AMD1: variants seen among roughly 807,000 people sequenced by gnomAD.
AMD1 encodes the protein S-adenosylmethionine decarboxylase proenzyme.
In AMD1, 11 loss-of-function variants were observed where a neutral mutation model predicts 40.2. The observed-to-expected ratio is 0.27, with a 90% confidence interval of 0.17 to 0.45. The LOEUF is 0.45. Ranked by LOEUF, AMD1 falls within the 20% of genes least tolerant of loss-of-function variation. The pLI is 1.00. For missense variants in AMD1, 257 were observed against 410.2 expected, an observed-to-expected ratio of 0.63 and a Z score of 3.23; for synonymous variants, 121 against 130.8, an observed-to-expected ratio of 0.93 and a Z score of 0.51.
the AMD1 span, among the ~76,000 whole-genome samples, chr6:110,825,473 A>G: frequency 7.2e-5 from 11 of 152,100 alleles, no homozygotes; most frequent in African/African-American, 2.4e-4. Context: ...TCTTTTTTCC[A>G]TATTTGATTG....
At chr6:110,834,224 A>G in the AMD1 span, among the ~76,000 whole-genome samples, 1 of 152,134 alleles carries the variant, frequency 6.6e-6, no homozygotes, top group Non-Finnish European at 1.5e-5. Flanking sequence ...CTATAATCTC[A>G]GCACTTTGGG....
At chr6:110,835,476 C>A in the AMD1 span, among the ~76,000 whole-genome samples, 1 of 152,120 alleles carries the variant, frequency 6.6e-6, no homozygotes, top group African/African-American at 2.4e-5. Flanking sequence ...GAATCTTTTT[C>A]TTAATTTGTA....
At chr6:110,855,763 G>A in the AMD1 span, among the ~76,000 whole-genome samples, 1 of 152,100 alleles carries the variant, frequency 6.6e-6, no homozygotes, top group Non-Finnish European at 1.5e-5. Context: ...ACAAGTAAAA[G>A]AAAGGTATCC....
chr6:110,821,456 A>G, the AMD1 span, among the ~76,000 whole-genome samples: 17 of 152,080 alleles, frequency 1.1e-4, no homozygotes, highest in Admixed American at 8.5e-4. Context: ...TCTACTAAAA[A>G]CACAAAAATT....
At position 110,882,501 on chromosome 6, in the gene AMD1, G is replaced by A. The variant is rs142630540; in HGVS notation, c.111-5004G>A. Among the ~76,000 whole-genome samples, 378 of 152,302 alleles carry A rather than the reference G, an allele frequency of 2.5e-3. 1 individual carries two copies. The highest frequency in any genetic ancestry group is 3.4e-3 in the Non-Finnish European group (229 of 68,028). ...CAAAAGCAGGCCATTTTTTCCCACA[G>A]AAATGTGATAGAAATAATTTGTGCT... On this transcript the variant is annotated intron_variant, in intron 1 of 8. Transcript: ENST00000368885.
chr6:110,815,195 C>T, the AMD1 span: 5 of 1,482,322 alleles, frequency 3.4e-6, no homozygotes, highest in Admixed American at 2.2e-5. Context: ...AGTCCCTCCT[C>T]CTCCTCCCCC....
chr6:110,877,279 A>C (rs1785165046), intron 1 of AMD1, among the ~76,000 whole-genome samples: 1 of 152,274 alleles, frequency 6.6e-6, no homozygotes, highest in Middle Eastern at 3.2e-3. Context: ...AAGAACTGAA[A>C]AATATGTTGA....
the AMD1 span, among the ~76,000 whole-genome samples, chr6:110,869,378 C>T: frequency 2.0e-5 from 3 of 151,582 alleles, no homozygotes; most frequent in Non-Finnish European, 4.4e-5. Context: ...GTGATCCGCC[C>T]GCCTCGGCCT....
the AMD1 span, among the ~76,000 whole-genome samples, chr6:110,832,975 C>T: frequency 2.0e-5 from 3 of 152,180 alleles, no homozygotes; most frequent in Non-Finnish European, 4.4e-5. Flanking sequence ...CGCCCACCAC[C>T]ACGCCTGGCC....
the AMD1 span, among the ~76,000 whole-genome samples, chr6:110,845,711 C>T: frequency 2.6e-5 from 4 of 152,176 alleles, no homozygotes; most frequent in Admixed American, 2.0e-4. Context: ...GCTGCACTGT[C>T]GGCTTCCATA....
At chr6:110,883,769 T>A (rs919310258) in intron 1 of AMD1, among the ~76,000 whole-genome samples, 2 of 152,006 alleles carry the variant, frequency 1.3e-5, no homozygotes, top group South Asian at 4.1e-4. Flanking sequence ...TTTTTTTTTT[T>A]TTTATTTTTA....
the AMD1 span, among the ~76,000 whole-genome samples, chr6:110,827,139 A>C: frequency 6.6e-6 from 1 of 152,202 alleles, no homozygotes. Context: ...AGGTAAACAT[A>C]AATTTTACGG....
rs1786195350 is a variant in AMD1, at chr6:110,894,398, A to G, written c.*782A>G. Reference sequence around the variant, plus strand: ...CTGGGCTTAATATTCTTTAAAGGGCATGGGAATTTAGCCTCTCTTTTATTG... The same window carrying G: ...CTGGGCTTAATATTCTTTAAAGGGCGTGGGAATTTAGCCTCTCTTTTATTG... On this transcript the variant is annotated 3_prime_UTR_variant, in exon 9 of 9. Coordinates refer to ENST00000368885, the MANE Select transcript of AMD1 (RefSeq NM_001634.6). 2 of 152,590 alleles carry G rather than the reference A, an allele frequency of 1.3e-5. No individual in the cohort carries two copies. Among genetic ancestry groups the G allele is most frequent in the South Asian group, 2.1e-4 (1 of 4,834 alleles). The allele number at this position is 152,590 out of a possible 1,614,324, so 9.5% of individuals were successfully genotyped here.
At chr6:110,847,110 C>G in the AMD1 span, among the ~76,000 whole-genome samples, 1 of 150,804 alleles carries the variant, frequency 6.6e-6, no homozygotes, top group Non-Finnish European at 1.5e-5. Flanking sequence ...AAATTTATTG[C>G]AAGGAATTGT....
At chr6:110,854,541 C>T in the AMD1 span, among the ~76,000 whole-genome samples, 64 of 152,094 alleles carry the variant, frequency 4.2e-4, no homozygotes, top group African/African-American at 1.4e-3. Flanking sequence ...CTCTGCCTCC[C>T]GGGTTCAAAC....
chr6:110,892,886 A>C, intron 7 of AMD1, 24 bp from the exon 8 acceptor site: 7 of 1,613,226 alleles, frequency 4.3e-6, no homozygotes, highest in Non-Finnish European at 5.9e-6. Flanking sequence ...TTCCATTCTT[A>C]ACACTGTGAA....
rs760672677 is a variant in AMD1 at position 110,892,311 on chromosome 6, T to C, written c.483T>C (p.Thr161=). The C allele has an allele frequency of 6.2e-6, 10 of 1,613,818 alleles. No individual in the cohort carries two copies. Among genetic ancestry groups the C allele is most frequent in the Non-Finnish European group, 7.6e-6 (9 of 1,180,050 alleles). The stretch of plus-strand genomic sequence containing the variant: ...AATTTTTATTTAGGTACTTATATAC[T>C]CTGGATTTCCCAGAGAGTCGGGTAA... ...RMNSDCWYLY[T]LDFPESRVIS... The change falls in exon 6 of 9, where the codon ACT becomes ACC. Residue 161 remains threonine, a synonymous_variant. Coordinates refer to ENST00000368885, the MANE Select transcript of AMD1 (RefSeq NM_001634.6).
rs563051407 is a variant in AMD1, at chr6:110,884,058, C to A, written c.111-3447C>A. On this transcript the variant is annotated intron_variant, in intron 1 of 8. Coordinates refer to ENST00000368885, the MANE Select transcript of AMD1 (RefSeq NM_001634.6). Reference sequence around the variant, plus strand: ...ATGGATCTGACCCTAAACAGCACATCAGAGGCTTTGAAAACTAGAATACAC... The same window carrying A: ...ATGGATCTGACCCTAAACAGCACATAAGAGGCTTTGAAAACTAGAATACAC... 3.3e-5 allele frequency among the ~76,000 whole-genome samples: 5 copies of A among 152,340 alleles called. No individual in the cohort carries two copies. The East Asian group carries it at 9.6e-4, about 29-fold the overall frequency.
At chr6:110,860,833 C>CACA in the AMD1 span, among the ~76,000 whole-genome samples, 25 of 128,188 alleles carry the variant, frequency 2.0e-4, no homozygotes, top group African/African-American at 7.5e-4. Flanking sequence ...AAACACCCAC[C>CACA]CACACACACA....
Sources: allele counts gnomAD v4.1 joint callset (sites outside exome capture counted in the v4.1 genomes callset), GRCh38; gene constraint gnomAD v4.1.1; transcripts MANE v1.5; gene names NCBI Gene and HGNC (gene_info 2026-07-23, HGNC 2026-07-21).